The following LRRC45 variants were observed in gnomAD, a reference collection of about 807,000 sequenced individuals.
LRRC45 encodes leucine rich repeat containing 45, also known as leucine-rich repeat-containing protein 45.
Under a neutral mutation model 85.4 loss-of-function variants are expected in LRRC45, and 73 were observed. That is an observed-to-expected ratio of 0.85 (90% CI 0.71 to 1.04). The LOEUF (loss-of-function observed/expected upper bound fraction) is 1.04. LRRC45 is among the 50% of genes least tolerant of loss of function. LRRC45 has a pLI of 0.00. For missense variants in LRRC45, 937 were observed against 883.3 expected (o/e 1.06, Z -0.77); for synonymous variants, 429 against 386.0 (o/e 1.11, Z -1.31).
rs754111221 is a variant in LRRC45 at position 82,024,341 on chromosome 17, TGA to T, written c.282+5_282+6del. 1.5e-4 allele frequency: 244 copies of T among 1,611,696 alleles called. No homozygotes were observed. Among genetic ancestry groups the T allele is most frequent in the Non-Finnish European group, 2.0e-4 (240 of 1,179,776 alleles). ...GTGCTGCGCTTTCTGGACTTAAAGG[TGA>T]GATACCTGCACTCTTGAGTGTCCGA... On this transcript the variant is annotated splice_donor_region_variant and intron_variant, in intron 2 of 16. Transcript: ENST00000306688.
intron 1 of LRRC45, 115 bp downstream of exon 1, chr17:82,023,978 C>G: frequency 9.9e-7 from 1 of 1,006,196 alleles, no homozygotes; most frequent in Non-Finnish European, 1.4e-6. Context: ...GTAGTTAAAG[C>G]GAGCAGGGGC....
In LRRC45 at chr17:82,026,905, C is replaced by A; in HGVS notation, c.668C>A (p.Ala223Asp). The A allele has an allele frequency of 1.2e-6, 2 of 1,602,726 alleles. No homozygotes were observed. Among genetic ancestry groups the A allele is most frequent in the Non-Finnish European group, 8.5e-7 (1 of 1,177,320 alleles). The stretch of plus-strand genomic sequence containing the variant: ...GACACAGCTCCTTCTGCAGAGCAAG[C>A]CATGGGCCACAGCCAGGACCGGCTC... ...PGDVLRAVEQ[A>D]MGHSQDRLTT... is the part of the protein sequence containing the mutation. Residue 223 changes from alanine (A) to aspartate (D), a missense_variant, in exon 6 of 17, where the codon GCC becomes GAC. By Grantham distance (126) the Ala-to-Asp change is moderately radical. Coordinates refer to ENST00000306688, the MANE Select transcript of LRRC45 (RefSeq NM_144999.4).
Position 82,030,148 on chromosome 17 carries a change from G to C in LRRC45, c.1578G>C (p.Gln526His), listed in dbSNP as rs746663796. ...RDEAQGACLQQKQVVAEAQTR... is the reference protein window; with the variant it reads ...RDEAQGACLQHKQVVAEAQTR... The stretch of plus-strand genomic sequence containing the variant: ...AGGCGCAGGGCGCTTGCCTACAGCA[G>C]AAGCAGGTGGTGGCCGAGGCCCAGA... The change falls in exon 15 of 17, where the codon CAG becomes CAC. Residue 526 changes from glutamine (Q) to histidine (H), a missense_variant. Coordinates refer to ENST00000306688, the MANE Select transcript of LRRC45 (RefSeq NM_144999.4). 1.9e-5 allele frequency: 29 copies of C among 1,547,874 alleles called. No homozygotes were observed. In the Admixed American group the frequency reaches 5.1e-4, roughly 27 times the overall value.
At position 82,029,533 on chromosome 17, in the gene LRRC45, A is replaced by G. The variant is rs952805843; in HGVS notation, c.1402-10A>G. The G allele has an allele frequency of 3.2e-6, 5 of 1,560,960 alleles. No homozygotes were observed. In the Admixed American group the frequency reaches 7.6e-5, roughly 24 times the overall value. ...CAGGAGAACGGGCTGGCAGGTGGCC[A>G]TCTGTGCAGGAGCTGAGCCGAGTGA... On this transcript the variant is annotated splice_polypyrimidine_tract_variant and intron_variant, in intron 13 of 16. Coordinates refer to ENST00000306688, the MANE Select transcript of LRRC45 (RefSeq NM_144999.4).
chr17:82,027,154 A>AG, intron 6 of LRRC45, 143 bp downstream of exon 6: 1 of 874,118 alleles, frequency 1.1e-6, no homozygotes, highest in Non-Finnish European at 1.8e-6. Context: ...ACCAGGAAGG[A>AG]GGGGCGGCCT....
Position 82,024,688 on chromosome 17 carries a change from C to A in LRRC45, c.283-5C>A. ...CGAGTGACTACCGGCCTGTTTCTCT[C>A]CTAGGGCAACAACCTTCGGGCTGCA... On this transcript the variant is annotated splice_polypyrimidine_tract_variant and splice_region_variant and intron_variant, in intron 2 of 16. Transcript: ENST00000306688. 6.4e-7 allele frequency: 1 copy of A among 1,570,546 alleles called. No individual in the cohort carries two copies. Among genetic ancestry groups the A allele is most frequent in the Non-Finnish European group, 8.6e-7 (1 of 1,162,352 alleles).
chr17:82,029,112 A>T lies in LRRC45; in HGVS notation c.1328A>T (p.His443Leu), dbSNP rs2043393553. 1 of 1,612,508 alleles carries T rather than the reference A, an allele frequency of 6.2e-7. No homozygotes were observed. The highest frequency in any genetic ancestry group is 1.1e-5 in the South Asian group (1 of 90,978). The change falls in exon 13 of 17, where the codon CAC (histidine) becomes CTC (leucine). Residue 443 changes from histidine to leucine, a missense_variant. Transcript: ENST00000306688. ...GAGCAGGTGGAGCATATGACCCGTC[A>T]CCTGGAGGAGAGTGAGAAGGCCATG... ...RIKEVEHMTRHLEESEKAMQE... is the reference protein window; with the variant it reads ...RIKEVEHMTRLLEESEKAMQE...
intron 1 of LRRC45, 119 bp from the exon 2 acceptor site, chr17:82,024,159 C>A: frequency 8.2e-7 from 1 of 1,218,030 alleles, no homozygotes; most frequent in South Asian, 1.4e-5. Context: ...CAGCGCCAAC[C>A]CAGACCATCG....
Position 82,023,491 on chromosome 17 carries a change from C to T in LRRC45, c.-153C>T. On this transcript the variant is annotated 5_prime_UTR_variant, in exon 1 of 17. Coordinates refer to ENST00000306688, the MANE Select transcript of LRRC45 (RefSeq NM_144999.4). The stretch of plus-strand genomic sequence containing the variant: ...ACCGCCCAGCCCCGCGCTCCCAGGA[C>T]CTCCCGCCCGCGGAGCCCACTCGGA... 3.0e-6 allele frequency: 2 copies of T among 670,230 alleles called. No homozygotes were observed. Among genetic ancestry groups the T allele is most frequent in the East Asian group, 6.0e-5 (2 of 33,506 alleles). The allele number at this position is 670,230 out of a possible 1,614,324, so 41.5% of individuals were successfully genotyped here.
chr17:82,028,351 G>A (rs374025066), intron 10 of LRRC45, 40 bp downstream of exon 10: 226 of 1,606,768 alleles, frequency 1.4e-4, no homozygotes, highest in Middle Eastern at 4.9e-4. Context: ...CAGGGTGGGC[G>A]CGGCAGGGCT....
chr17:82,029,336 C>T, intron 13 of LRRC45, 151 bp downstream of exon 13: 1 of 911,868 alleles, frequency 1.1e-6, no homozygotes, highest in Non-Finnish European at 1.6e-6. Flanking sequence ...ACCAGTGTGC[C>T]CAAGAAGCTA....
At position 82,029,306 on chromosome 17, in the gene LRRC45, C is replaced by T. The variant is rs2043396276; in HGVS notation, c.1401+121C>T. 3.7e-6 allele frequency: 4 copies of T among 1,071,360 alleles called. No individual in the cohort carries two copies. The African/African-American group carries it at 6.4e-5, about 17-fold the overall frequency. 66.4% of individuals were successfully genotyped at this position (1,071,360 alleles called of 1,614,324 possible). Reference sequence around the variant, plus strand: ...TTCCTGTTCCCAGAGGCTCATAGGCCCCACCTTGGGGACCCACCCACCAGT... The same window carrying T: ...TTCCTGTTCCCAGAGGCTCATAGGCTCCACCTTGGGGACCCACCCACCAGT... On this transcript the variant is annotated intron_variant, in intron 13 of 16. Coordinates refer to ENST00000306688, the MANE Select transcript of LRRC45 (RefSeq NM_144999.4).
intron 1 of LRRC45, 60 bp from the exon 2 acceptor site, chr17:82,024,218 C>T (rs2043344002): frequency 2.5e-6 from 4 of 1,583,952 alleles, no homozygotes; most frequent in Non-Finnish European, 3.4e-6. Context: ...AAAAGGGGCC[C>T]ACGGGGAGGG....
At chr17:82,029,020 G>A (rs1174476840) in intron 12 of LRRC45, 73 bp from the exon 13 acceptor site, 2 of 1,370,416 alleles carry the variant, frequency 1.5e-6, no homozygotes, top group Non-Finnish European at 2.0e-6. Flanking sequence ...GCCTTTCAGG[G>A]TGGGGAGTCC....
chr17:82,024,756 A>G lies in LRRC45; in HGVS notation c.346A>G (p.Ile116Val). 1 of 1,579,230 alleles carries G rather than the reference A, an allele frequency of 6.3e-7. No homozygotes were observed. Among genetic ancestry groups the G allele is most frequent in the East Asian group, 2.3e-5 (1 of 44,334 alleles). The part of the protein sequence containing the change: ...LGKLLQQNKS[I>V]QSLTLEWNSL... ...AAAACTCCTCCAACAGAACAAGTCCATTCAGAGGTGGGTGGTGGTCCCGAC... is the reference window on the plus strand; with the variant it reads ...AAAACTCCTCCAACAGAACAAGTCCGTTCAGAGGTGGGTGGTGGTCCCGAC... The change falls in exon 3 of 17, where the codon ATT (isoleucine) becomes GTT (valine). Residue 116 changes from isoleucine to valine, a missense_variant. By Grantham distance (29) the Ile-to-Val change is conservative. Coordinates refer to ENST00000306688, the MANE Select transcript of LRRC45 (RefSeq NM_144999.4).
chr17:82,024,875 T>C, intron 3 of LRRC45, 112 bp downstream of exon 3: 1 of 1,439,450 alleles, frequency 6.9e-7, no homozygotes, highest in Non-Finnish European at 9.2e-7. Context: ...ATGTTTCACA[T>C]ACGTTGGCAG....
Position 82,025,005 on chromosome 17 carries a change from C to A in LRRC45, c.359C>A (p.Thr120Lys). Residue 120 changes from threonine to lysine, a missense_variant, in exon 4 of 17, where the codon ACG (threonine) becomes AAG (lysine). Thr to Lys is a moderately conservative substitution (Grantham distance 78, BLOSUM62 -1). Coordinates refer to ENST00000306688, the MANE Select transcript of LRRC45 (RefSeq NM_144999.4). The part of the protein sequence containing the change: ...LQQNKSIQSL[T>K]LEWNSLGTWD... Reference sequence around the variant, plus strand: ...GGCTTCTGCCCCTCCTGCAGCCTCACGCTGGAGTGGAACAGCCTGGGCACG... The same window carrying A: ...GGCTTCTGCCCCTCCTGCAGCCTCAAGCTGGAGTGGAACAGCCTGGGCACG... 3.8e-6 allele frequency: 6 copies of A among 1,579,048 alleles called. No individual in the cohort carries two copies. In the South Asian group the frequency reaches 7.0e-5, roughly 18 times the overall value.
At chr17:82,024,570 C>G in intron 2 of LRRC45, 123 bp from the exon 3 acceptor site, 1 of 1,185,068 alleles carries the variant, frequency 8.4e-7, no homozygotes, top group Non-Finnish European at 1.2e-6. Flanking sequence ...AGCCCAGGAG[C>G]TGAGGAAGGC....
chr17:82,027,008 G>A lies in LRRC45; in HGVS notation c.771G>A (p.Lys257=). 1 of 1,595,008 alleles carries A rather than the reference G, an allele frequency of 6.3e-7. No individual in the cohort carries two copies. Among genetic ancestry groups the A allele is most frequent in the Non-Finnish European group, 8.5e-7 (1 of 1,174,276 alleles). ...EVQHLREEKS[K]QFLDLMETID... is the part of the protein sequence containing the mutation. ...AGCACCTCCGGGAGGAGAAGTCCAA[G>A]CAGGTGAGGATGGCGCCTTCACTGA... is the stretch of plus-strand genomic sequence containing the variant. The change falls in exon 6 of 17, where the codon AAG becomes AAA. Residue 257 remains lysine, a synonymous_variant. Coordinates refer to ENST00000306688, the MANE Select transcript of LRRC45 (RefSeq NM_144999.4).
Sources: gnomAD v4.1 joint callset for allele counts on GRCh38, gnomAD v4.1.1 for gene constraint, MANE v1.5 for transcripts, NCBI Gene and HGNC (gene_info 2026-07-23, HGNC 2026-07-21) for gene names.